The following U2SURP variants were observed in gnomAD, a reference collection of about 807,000 sequenced individuals.
U2SURP encodes U2 snRNP associated SURP domain containing, also known as U2 snRNP-associated SURP motif-containing protein.
Under a neutral mutation model 144.9 loss-of-function variants are expected in U2SURP, and 9 were observed. The observed-to-expected ratio is 0.06, with a 90% CI of 0.04 to 0.11. U2SURP has a LOEUF of 0.11. Ranked by LOEUF, U2SURP falls within the 10% of genes least tolerant of loss-of-function variation. U2SURP has a pLI of 1.00. For missense variants in U2SURP, 724 were observed against 1,226.7 expected (o/e 0.59, Z 6.12); for synonymous variants, 408 against 396.8 (o/e 1.03, Z -0.33).
At chr3:143,020,815 C>T in intron 8 of U2SURP, 122 bp downstream of exon 8, 1 of 689,834 alleles carries the variant, frequency 1.4e-6, no homozygotes, top group South Asian at 2.0e-5. Flanking sequence ...TATATACTAT[C>T]CTTTTCCTTA....
At chr3:143,047,213 A>T (rs1242082) in intron 24 of U2SURP, among the ~76,000 whole-genome samples, 32 of 25,618 alleles carry the variant, frequency 1.2e-3, no homozygotes, top group Non-Finnish European at 1.7e-3. Context: ...GCGGCCGGCC[A>T]GGCGGGGGGC....
Position 143,059,562 on chromosome 3 carries a change from T to A in U2SURP, c.*3112T>A, listed in dbSNP as rs1435590262. On this transcript the variant is annotated 3_prime_UTR_variant, in exon 28 of 28. Coordinates refer to ENST00000473835, the MANE Select transcript of U2SURP (RefSeq NM_001080415.2). ...CCGTGACAATAGTTTATCATCATCA[T>A]TATTGTTATTCAAAATAAGGGTAAA... 2 of 151,966 alleles carry A rather than the reference T, an allele frequency of 1.3e-5. No homozygotes were observed. Among genetic ancestry groups the A allele is most frequent in the African/African-American group, 2.4e-5 (1 of 41,430 alleles). The allele number at this position is 151,966 out of a possible 1,614,324, so 9.4% of individuals were successfully genotyped here.
At chr3:143,018,851 G>A (rs1291334424) in intron 6 of U2SURP, among the ~76,000 whole-genome samples, 3 of 152,110 alleles carry the variant, frequency 2.0e-5, no homozygotes, top group Admixed American at 2.0e-4. Context: ...CTTGAACTCG[G>A]GAGGCAGAGG....
chr3:143,039,850 G>A (rs185300340), intron 23 of U2SURP, among the ~76,000 whole-genome samples: 5 of 151,968 alleles, frequency 3.3e-5, no homozygotes, highest in African/African-American at 9.6e-5. Context: ...GTGAAAACTT[G>A]TCTACAATGA....
intron 26 of U2SURP, 104 bp from the exon 27 acceptor site, chr3:143,054,839 A>T: frequency 8.3e-7 from 1 of 1,208,962 alleles, no homozygotes; most frequent in Non-Finnish European, 1.1e-6. Context: ...CATGGTTAGA[A>T]TAAAAGAGTA....
At chr3:143,048,905 A>T (rs1335204060) in intron 24 of U2SURP, among the ~76,000 whole-genome samples, 1 of 152,060 alleles carries the variant, frequency 6.6e-6, no homozygotes, top group African/African-American at 2.4e-5. Flanking sequence ...AATAGATGGA[A>T]AAAGGACAGA....
chr3:143,014,220 T>A, intron 3 of U2SURP, 91 bp from the exon 4 acceptor site: 1 of 745,374 alleles, frequency 1.3e-6, no homozygotes, highest in Admixed American at 3.7e-5. Flanking sequence ...AACGGCAGTC[T>A]ATTCTGAAGA....
intron 16 of U2SURP, 135 bp downstream of exon 16, chr3:143,028,781 C>A: frequency 4.2e-6 from 3 of 714,508 alleles, no homozygotes; most frequent in Non-Finnish European, 6.7e-6. Flanking sequence ...TAACATCTTT[C>A]ATCATGTGCT....
intron 23 of U2SURP, among the ~76,000 whole-genome samples, chr3:143,039,862 G>GT (rs1212868883): frequency 2.0e-5 from 3 of 151,880 alleles, no homozygotes; most frequent in African/African-American, 4.8e-5. Context: ...CTACAATGAT[G>GT]TTTTTTCAGA....
rs569802387 is a variant in U2SURP, at chr3:143,060,373, TTTAC to T, written c.*3930_*3933del. 23 of 152,122 alleles carry T rather than the reference TTTAC, an allele frequency of 1.5e-4. No homozygotes were observed. The highest frequency in any genetic ancestry group is 5.5e-4 in the African/African-American group (23 of 41,562). 9.4% of individuals were successfully genotyped at this position (152,122 alleles called of 1,614,324 possible). A position where few individuals can be genotyped will look rare whatever the true frequency, so the allele number is the denominator to read the frequency against. Reference sequence around the variant, plus strand: ...TCTTTTGGGTGAACTGATTCTATAATTTACTTACTTTTAATGTAAGGATTAGATT... The same window carrying T: ...TCTTTTGGGTGAACTGATTCTATAATTTACTTTTAATGTAAGGATTAGATT... On this transcript the variant is annotated 3_prime_UTR_variant, in exon 28 of 28. Coordinates refer to ENST00000473835, the MANE Select transcript of U2SURP (RefSeq NM_001080415.2).
intron 24 of U2SURP, among the ~76,000 whole-genome samples, chr3:143,044,708 T>C (rs575790756): frequency 2.7e-4 from 41 of 152,326 alleles, no homozygotes; most frequent in Non-Finnish European, 5.0e-4. Context: ...TTTGAATGCC[T>C]ACTGTATGTC....
At chr3:143,033,583 A>AATAT (rs1002951175) in intron 18 of U2SURP, among the ~76,000 whole-genome samples, 18 of 152,324 alleles carry the variant, frequency 1.2e-4, no homozygotes, top group Admixed American at 9.8e-4. Flanking sequence ...TTTTCTAAAC[A>AATAT]ATATAGTATG....
At chr3:143,015,808 C>G (rs1334721865) in intron 4 of U2SURP, among the ~76,000 whole-genome samples, 1 of 152,032 alleles carries the variant, frequency 6.6e-6, no homozygotes, top group African/African-American at 2.4e-5. Context: ...TATCAAGATT[C>G]TTCTGAGCTT....
At chr3:143,037,415 G>A in intron 21 of U2SURP, 80 bp downstream of exon 21, 1 of 1,332,264 alleles carries the variant, frequency 7.5e-7, no homozygotes, top group Non-Finnish European at 1.0e-6. Context: ...ATGCTGATAT[G>A]GAAAAAGGTT....
intron 23 of U2SURP, among the ~76,000 whole-genome samples, chr3:143,039,327 T>G (rs1453335223): frequency 6.6e-6 from 1 of 151,938 alleles, no homozygotes; most frequent in Non-Finnish European, 1.5e-5. Flanking sequence ...GATTGTACAT[T>G]CTAAGAAAAA....
chr3:143,011,117 C>A (rs1012814390), intron 2 of U2SURP, among the ~76,000 whole-genome samples: 1 of 151,670 alleles, frequency 6.6e-6, no homozygotes, highest in African/African-American at 2.4e-5. Flanking sequence ...ACATACATAA[C>A]GTATCTATAC....
chr3:143,001,641 A>C lies in U2SURP; in HGVS notation c.13A>C (p.Thr5Pro), dbSNP rs1206520440. MADK[T>P]PGGSQKASSK... Reference sequence around the variant, plus strand: ...GGCAAAGCTCAAGATGGCGGACAAAACGCCAGGCGGATCTCAGAAGGCCAG... The same window carrying C: ...GGCAAAGCTCAAGATGGCGGACAAACCGCCAGGCGGATCTCAGAAGGCCAG... The change falls in exon 1 of 28, where the codon ACG (threonine) becomes CCG (proline). Residue 5 changes from threonine (T) to proline (P), a missense_variant. This residue lies in a region of U2SURP where 127 missense variants were observed against 98.2 expected (regional missense o/e 1.29). Transcript: ENST00000473835. The C allele has an allele frequency of 6.2e-7, 1 of 1,613,810 alleles. No homozygotes were observed. Among genetic ancestry groups the C allele is most frequent in the Non-Finnish European group, 8.5e-7 (1 of 1,179,874 alleles).
chr3:143,044,745 A>G (rs1934329310), intron 24 of U2SURP, among the ~76,000 whole-genome samples: 1 of 152,174 alleles, frequency 6.6e-6, no homozygotes, highest in Non-Finnish European at 1.5e-5. Context: ...CTAACTTATG[A>G]TACCTATCAC....
At chr3:143,013,092 A>G (rs1486599830) in intron 3 of U2SURP, among the ~76,000 whole-genome samples, 2 of 152,074 alleles carry the variant, frequency 1.3e-5, no homozygotes, top group African/African-American at 4.8e-5. Flanking sequence ...ACAAACTTTT[A>G]AATGATTGCT....
Sources: allele counts gnomAD v4.1 joint callset (sites outside exome capture counted in the v4.1 genomes callset), GRCh38; gene constraint gnomAD v4.1.1; regional missense constraint gnomAD v4.1.1; transcripts MANE v1.5; gene names NCBI Gene and HGNC (gene_info 2026-07-23, HGNC 2026-07-21).